The following TTLL11 variants were observed in gnomAD, a reference collection of about 807,000 sequenced individuals.
TTLL11 encodes tubulin polyglutamylase TTLL11.
Under a neutral mutation model 51.7 loss-of-function variants are expected in TTLL11, and 42 were observed. The ratio of observed to expected loss-of-function variants is 0.81; its 90% CI spans 0.64 to 1.05. The LOEUF (loss-of-function observed/expected upper bound fraction) is 1.05. Among genes scored for constraint, TTLL11 ranks in the 50% least tolerant of loss-of-function variants. The pLI is 0.00. For missense variants in TTLL11, 799 were observed against 940.4 expected (o/e 0.85, Z 1.97); for synonymous variants, 381 against 383.5 (o/e 0.99, Z 0.08).
chr9:121,931,492 C>T (rs951992860), intron 6 of TTLL11, among the ~76,000 whole-genome samples: 1 of 150,158 alleles, frequency 6.7e-6, no homozygotes, highest in Admixed American at 6.7e-5. Context: ...CCTGTAATCC[C>T]AGCACTTTGG....
At chr9:121,999,416 CAGT>C (rs1321863626) in intron 3 of TTLL11, among the ~76,000 whole-genome samples, 6 of 152,152 alleles carry the variant, frequency 3.9e-5, no homozygotes, top group African/African-American at 1.4e-4. Context: ...TTCCCTCTAA[CAGT>C]AAACATTACC....
intron 5 of TTLL11, among the ~76,000 whole-genome samples, 169 bp from the exon 6 acceptor site, chr9:121,974,293 T>G (rs1297238088): frequency 6.6e-6 from 1 of 152,234 alleles, no homozygotes; most frequent in South Asian, 2.1e-4. Flanking sequence ...TTTCCTTTTA[T>G]AAATTAACCA....
intron 6 of TTLL11, among the ~76,000 whole-genome samples, chr9:121,876,247 A>G (rs1284827790): frequency 6.6e-6 from 1 of 152,264 alleles, no homozygotes; most frequent in African/African-American, 2.4e-5. Context: ...CTTCTTATGT[A>G]TAAGTGGTAT....
intron 6 of TTLL11, among the ~76,000 whole-genome samples, chr9:121,892,900 C>T (rs1839306963): frequency 6.6e-6 from 1 of 152,098 alleles, no homozygotes; most frequent in African/African-American, 2.4e-5. Context: ...GCAGAAGGAT[C>T]AGGAAGGCCG....
chr9:121,822,857 T>C lies in TTLL11; in HGVS notation c.1863A>G (p.Val621=), dbSNP rs756329198. The C allele has an allele frequency of 1.4e-5, 22 of 1,551,036 alleles. No individual in the cohort carries two copies. The highest frequency in any genetic ancestry group is 1.4e-4 in the Admixed American group (7 of 50,882). ...TCTGAGCCAGGAAAAAGAAAGCTTC[T>C]ACGAAGGCCTGCAGACACATCCCTG... ...RDSGMCLQAF[V]EAFFFLAQRK... is the part of the protein sequence containing the mutation. The change falls in exon 9 of 9, where the codon GTA becomes GTG. Residue 621 remains valine (V), a synonymous_variant. Transcript: ENST00000321582. The surrounding 1 kb of genome is among the most constrained non-coding windows in gnomAD (Gnocchi z 5.8).
chr9:121,946,543 G>A (rs1841674793), intron 6 of TTLL11, among the ~76,000 whole-genome samples: 1 of 152,128 alleles, frequency 6.6e-6, no homozygotes, highest in Admixed American at 6.5e-5. Flanking sequence ...AAAAGTTCTT[G>A]TGCAAAAAAC....
chr9:121,867,873 G>A lies in TTLL11; in HGVS notation c.1733+2624C>T, dbSNP rs137880201. On this transcript the variant is annotated intron_variant, in intron 7 of 8. Transcript: ENST00000321582. The stretch of plus-strand genomic sequence containing the variant: ...ACTGACAGTCCTTTGAGGGCAGGCA[G>A]GGTCCCATTATTTGCCTTTGAATGT... Among the ~76,000 whole-genome samples the A allele has an allele frequency of 2.0e-3, 301 of 152,282 alleles. 1 individual carries two copies. The highest frequency in any genetic ancestry group is 6.9e-3 in the African/African-American group (288 of 41,570).
At chr9:122,083,237 G>T (rs1846043412) in intron 1 of TTLL11, among the ~76,000 whole-genome samples, 1 of 152,042 alleles carries the variant, frequency 6.6e-6, no homozygotes, top group South Asian at 2.1e-4. Flanking sequence ...TCAAATCTGA[G>T]CTGAAGTGAT....
chr9:122,019,686 A>G (rs2131776413), intron 3 of TTLL11, among the ~76,000 whole-genome samples: 1 of 152,310 alleles, frequency 6.6e-6, no homozygotes, highest in South Asian at 2.1e-4. Context: ...CCTGGACTCA[A>G]GCAATCTGCC....
At chr9:122,007,475 CAAA>C (rs59238464) in intron 3 of TTLL11, among the ~76,000 whole-genome samples, 1 of 94,738 alleles carries the variant, frequency 1.1e-5, no homozygotes, top group Non-Finnish European at 2.2e-5. Context: ...AATTCCATCT[CAAA>C]AAAAAAAAAA....
intron 3 of TTLL11, among the ~76,000 whole-genome samples, chr9:122,003,483 CTT>C (rs398012131): frequency 6.4e-4 from 74 of 116,398 alleles, no homozygotes; most frequent in South Asian, 1.4e-3. Context: ...GCATACGTTC[CTT>C]TTTTTTTTTT....
intron 8 of TTLL11, among the ~76,000 whole-genome samples, chr9:121,840,411 A>G (rs1281206811): frequency 6.6e-6 from 1 of 152,074 alleles, no homozygotes; most frequent in Non-Finnish European, 1.5e-5. Flanking sequence ...TTCTTTTCTG[A>G]GACAGGGTCT....
intron 6 of TTLL11, chr9:121,885,582 GAC>G (rs1160156441): frequency 6.6e-6 from 1 of 152,178 alleles, no homozygotes; most frequent in African/African-American, 2.4e-5. Context: ...TTCCCTATGA[GAC>G]ACAGAAAAAT....
intron 6 of TTLL11, among the ~76,000 whole-genome samples, chr9:121,958,906 G>A (rs1361701661): frequency 6.6e-6 from 1 of 152,128 alleles, no homozygotes; most frequent in Non-Finnish European, 1.5e-5. Context: ...AGGTGCTCTA[G>A]GGAAACCCTC....
chr9:122,038,283 C>T (rs1844756007), intron 2 of TTLL11, among the ~76,000 whole-genome samples: 1 of 152,100 alleles, frequency 6.6e-6, no homozygotes. Context: ...TCATACCCAG[C>T]TTAATCCAGT....
chr9:121,898,499 G>T (rs533410619), intron 6 of TTLL11, among the ~76,000 whole-genome samples: 39 of 152,398 alleles, frequency 2.6e-4, no homozygotes, highest in South Asian at 8.3e-4. Context: ...GGAATGACAG[G>T]CCTGAGAGGG....
At chr9:122,076,717 C>CAA (rs577577338) in intron 1 of TTLL11, among the ~76,000 whole-genome samples, 2 of 101,510 alleles carry the variant, frequency 2.0e-5, no homozygotes, top group African/African-American at 3.6e-5. Flanking sequence ...AGATCACCAT[C>CAA]AAAAAAAAAA....
At chr9:122,044,450 G>T (rs564443999) in intron 1 of TTLL11, among the ~76,000 whole-genome samples, 26 of 152,292 alleles carry the variant, frequency 1.7e-4, no homozygotes, top group Non-Finnish European at 3.2e-4. Context: ...TTCCACAATG[G>T]TTGAACTAGT....
chr9:121,911,070 A>G (rs1554767949), intron 6 of TTLL11, among the ~76,000 whole-genome samples: 1 of 152,194 alleles, frequency 6.6e-6, no homozygotes, highest in Non-Finnish European at 1.5e-5. Context: ...GAGACTTTAT[A>G]AAGTTCTTCC....
Sources: gnomAD v4.1 joint callset for allele counts (sites outside exome capture counted in the v4.1 genomes callset) on GRCh38, gnomAD v4.1.1 for gene constraint, Gnocchi (gnomAD v3.1) non-coding constraint, MANE v1.5 for transcripts, NCBI Gene and HGNC (gene_info 2026-07-23, HGNC 2026-07-21) for gene names.